The following SGCD variants were observed in gnomAD, a reference collection of about 807,000 sequenced individuals.
SGCD encodes the protein sarcoglycan delta.
Under a neutral mutation model 36.6 loss-of-function variants are expected in SGCD, and 18 were observed. That is an observed-to-expected ratio of 0.49 (90% confidence interval 0.34 to 0.73). SGCD has a LOEUF of 0.73. SGCD is among the 30% of genes least tolerant of loss of function. SGCD has a pLI of 0.01. For synonymous variants in SGCD, 133 were observed against 130.6 expected (o/e 1.02, Z -0.12); for missense variants, 387 against 346.7 (o/e 1.12, Z -0.92).
intron 6 of SGCD, among the ~76,000 whole-genome samples, chr5:156,633,474 G>T (rs1762711021): frequency 6.6e-6 from 1 of 152,192 alleles, no homozygotes; most frequent in Non-Finnish European, 1.5e-5. Flanking sequence ...TTAGCGGGGA[G>T]TTAAGAACAT....
intron 3 of SGCD, among the ~76,000 whole-genome samples, chr5:156,278,338 G>A (rs1457593948): frequency 6.6e-6 from 1 of 152,104 alleles, no homozygotes; most frequent in Non-Finnish European, 1.5e-5. Flanking sequence ...TCAGAATTAG[G>A]TATTTTTCAA....
intron 6 of SGCD, among the ~76,000 whole-genome samples, chr5:156,603,682 CTG>C (rs1461471687): frequency 6.6e-6 from 1 of 151,902 alleles, no homozygotes; most frequent in Non-Finnish European, 1.5e-5. Context: ...ATTGAGGAGA[CTG>C]TTGTTTACAT....
intron 3 of SGCD, among the ~76,000 whole-genome samples, chr5:156,199,101 G>T (rs887951517): frequency 6.6e-6 from 1 of 151,952 alleles, no homozygotes; most frequent in Non-Finnish European, 1.5e-5. Context: ...ACATACCTTC[G>T]CACCTCAGTG....
chr5:155,797,134 TC>T, the SGCD span, among the ~76,000 whole-genome samples: 348 of 152,194 alleles, frequency 2.3e-3, 1 homozygote, highest in Middle Eastern at 6.8e-3. Flanking sequence ...AAAGTACAAT[TC>T]CTTGAAAAAC....
intron 3 of SGCD, chr5:156,124,114 A>C (rs1367386887): frequency 6.6e-6 from 1 of 152,134 alleles, no homozygotes. Context: ...CCTTTCCCTG[A>C]CCTTCTTCTC....
intron 7 of SGCD, among the ~76,000 whole-genome samples, chr5:156,694,756 A>AT (rs774387554): frequency 1.3e-5 from 2 of 152,102 alleles, no homozygotes; most frequent in Admixed American, 6.6e-5. Context: ...GATATGATAC[A>AT]TTTTTTTAAT....
At chr5:155,998,601 G>T (rs1758602162) in intron 1 of SGCD, among the ~76,000 whole-genome samples, 1 of 152,150 alleles carries the variant, frequency 6.6e-6, no homozygotes, top group African/African-American at 2.4e-5. Flanking sequence ...GTTCTCTGTG[G>T]TATAGGTCTG....
the SGCD span, among the ~76,000 whole-genome samples, chr5:155,865,175 G>A: frequency 1.3e-5 from 2 of 151,932 alleles, no homozygotes; most frequent in Non-Finnish European, 2.9e-5. Context: ...TTTAAAAATT[G>A]ATGGATTCAT....
exon 3 of SGCD, chr5:156,123,894 G>A (rs918380189): frequency 2.0e-5 from 3 of 152,130 alleles, no homozygotes; most frequent in Admixed American, 6.6e-5. Context: ...TTTGAAGAAG[G>A]TTATACTGGA....
intron 1 of SGCD, among the ~76,000 whole-genome samples, chr5:156,008,603 T>A (rs1758798543): frequency 6.6e-6 from 1 of 152,184 alleles, no homozygotes; most frequent in South Asian, 2.1e-4. Flanking sequence ...CTCAAATTCC[T>A]GGCCCCAAGC....
At chr5:156,288,748 C>A (rs1366616745) in intron 3 of SGCD, among the ~76,000 whole-genome samples, 1 of 152,092 alleles carries the variant, frequency 6.6e-6, no homozygotes, top group Non-Finnish European at 1.5e-5. Context: ...AGATATCCAG[C>A]ATTTGTTCCA....
At position 155,938,344 on chromosome 5, in the gene SGCD, G is replaced by A. The variant is rs543703389; in HGVS notation, c.-282+67920G>A. On this transcript the variant is annotated intron_variant, in intron 1 of 9. Coordinates refer to the SGCD transcript ENST00000517913. The stretch of plus-strand genomic sequence containing the variant: ...TCTGCCCCAGGATAAGAATGCTTAG[G>A]GAATCACTTGAGATTGAATTTTTCA... Among the ~76,000 whole-genome samples the A allele has an allele frequency of 1.6e-4, 24 of 152,276 alleles. 1 individual carries two copies. Among genetic ancestry groups the A allele is most frequent in the Non-Finnish European group, 2.6e-4 (18 of 68,018 alleles).
intron 1 of SGCD, among the ~76,000 whole-genome samples, chr5:156,033,916 C>T (rs1398918748): frequency 3.3e-5 from 5 of 152,132 alleles, no homozygotes; most frequent in Non-Finnish European, 2.9e-5. Flanking sequence ...AAGATGCCAG[C>T]CAAATCAAAC....
chr5:156,084,162 C>G (rs1761036483), intron 1 of SGCD, among the ~76,000 whole-genome samples: 1 of 152,158 alleles, frequency 6.6e-6, no homozygotes, highest in Non-Finnish European at 1.5e-5. Context: ...GGCATTGCAT[C>G]AAACTTGTAG....
intron 3 of SGCD, among the ~76,000 whole-genome samples, chr5:156,132,686 T>C (rs1762357657): frequency 6.6e-6 from 1 of 151,654 alleles, no homozygotes; most frequent in Admixed American, 6.6e-5. Context: ...GCCAGGATGG[T>C]CTCGATCTCC....
At chr5:156,077,507 T>C (rs73813229) in intron 1 of SGCD, among the ~76,000 whole-genome samples, 21,505 of 152,102 alleles carry the variant, frequency 0.14, 1,797 homozygotes, top group Non-Finnish European at 0.19. Context: ...TCCAGGGTGG[T>C]AGAAATTTGG....
At chr5:155,828,640 A>G in the SGCD span, among the ~76,000 whole-genome samples, 6 of 151,826 alleles carry the variant, frequency 4.0e-5, no homozygotes, top group East Asian at 7.7e-4. Flanking sequence ...TCAGAAAATT[A>G]TATTACTGGT....
At chr5:155,840,789 A>G in the SGCD span, among the ~76,000 whole-genome samples, 4 of 151,616 alleles carry the variant, frequency 2.6e-5, no homozygotes, top group East Asian at 7.9e-4. Flanking sequence ...AGGCAGGCAG[A>G]TCACCTGAGG....
intron 1 of SGCD, among the ~76,000 whole-genome samples, chr5:156,058,563 A>T (rs1175210006): frequency 2.1e-5 from 3 of 145,804 alleles, no homozygotes; most frequent in African/African-American, 7.4e-5. Context: ...TTTAGGAGAC[A>T]TACTGATCAA....
Sources: gnomAD v4.1 joint callset for allele counts (sites outside exome capture counted in the v4.1 genomes callset) on GRCh38, gnomAD v4.1.1 for gene constraint, MANE v1.5 for transcripts, NCBI Gene and HGNC (gene_info 2026-07-23, HGNC 2026-07-21) for gene names.